The following DCDC2 variants were observed in gnomAD, a reference collection of about 807,000 sequenced individuals.
DCDC2 encodes doublecortin domain containing 2, also known as doublecortin domain-containing protein 2.
Under a neutral mutation model 50.2 loss-of-function variants are expected in DCDC2, and 40 were observed. The observed-to-expected ratio is 0.80, with a 90% CI of 0.62 to 1.04. The LOEUF (loss-of-function observed/expected upper bound fraction) is 1.04, where lower values mean the gene tolerates loss of function less well. Ranked by LOEUF, DCDC2 falls within the 50% of genes least tolerant of loss-of-function variation. DCDC2 has a pLI of 0.00. For missense variants in DCDC2, 570 were observed against 581.9 expected (o/e 0.98, Z 0.21); for synonymous variants, 234 against 210.6 (o/e 1.11, Z -0.96).
intron 4 of DCDC2, among the ~76,000 whole-genome samples, chr6:24,294,346 C>T (rs1045937980): frequency 6.6e-6 from 1 of 151,844 alleles, no homozygotes; most frequent in Non-Finnish European, 1.5e-5. Context: ...CAGAGTGAGA[C>T]CCTGTCTCCA....
intron 7 of DCDC2, among the ~76,000 whole-genome samples, chr6:24,233,698 G>A (rs1025105271): frequency 1.3e-5 from 2 of 152,174 alleles, no homozygotes; most frequent in Non-Finnish European, 2.9e-5. Context: ...CCAAAAAGAA[G>A]TTCAGTTAGA....
chr6:24,282,868 C>T (rs1763508633), intron 6 of DCDC2, among the ~76,000 whole-genome samples: 1 of 152,096 alleles, frequency 6.6e-6, no homozygotes, highest in South Asian at 2.1e-4. Flanking sequence ...CCTATACCAG[C>T]CTCAGTTTCC....
chr6:24,358,709 A>ATATATATTT (rs1554121591), upstream of DCDC2, among the ~76,000 whole-genome samples: 36 of 97,672 alleles, frequency 3.7e-4, 1 homozygote, highest in African/African-American at 1.5e-3. Flanking sequence ...TTTTTTTTAT[A>ATATATATTT]TATATATTTT....
At chr6:24,285,056 A>G (rs1763567528) in intron 6 of DCDC2, among the ~76,000 whole-genome samples, 1 of 151,880 alleles carries the variant, frequency 6.6e-6, no homozygotes, top group Non-Finnish European at 1.5e-5. Context: ...ACATACATGC[A>G]CACACACACA....
chr6:24,301,167 C>A (rs539851637), intron 4 of DCDC2, among the ~76,000 whole-genome samples: 2 of 151,678 alleles, frequency 1.3e-5, no homozygotes, highest in African/African-American at 4.8e-5. Flanking sequence ...GTCAGGAGAT[C>A]GAGCCCATCC....
chr6:24,335,605 T>C (rs577113381), intron 2 of DCDC2, among the ~76,000 whole-genome samples: 66 of 152,250 alleles, frequency 4.3e-4, no homozygotes, highest in Non-Finnish European at 8.2e-4. Context: ...TTGTCTGTTT[T>C]CATACTGCTA....
chr6:24,293,618 A>G (rs900806674), intron 4 of DCDC2, among the ~76,000 whole-genome samples: 4 of 152,216 alleles, frequency 2.6e-5, no homozygotes, highest in African/African-American at 9.6e-5. Flanking sequence ...AGTATTAGAT[A>G]GATCATAAAA....
chr6:24,201,346 A>T (rs373484278), intron 8 of DCDC2, among the ~76,000 whole-genome samples: 6 of 152,342 alleles, frequency 3.9e-5, no homozygotes, highest in African/African-American at 1.4e-4. Flanking sequence ...AGAATTAAGG[A>T]ACTCATGAAA....
At chr6:24,280,259 T>G (rs550402980) in intron 6 of DCDC2, among the ~76,000 whole-genome samples, 115 of 152,346 alleles carry the variant, frequency 7.5e-4, no homozygotes, top group African/African-American at 2.4e-3. Context: ...ATTAACAGTA[T>G]GAAAACTTGT....
chr6:24,302,868 T>C (rs74706608), intron 2 of DCDC2, among the ~76,000 whole-genome samples: 5,386 of 151,824 alleles, frequency 0.035, 281 homozygotes, highest in African/African-American at 0.12. Context: ...CACCTAACCC[T>C]TAAAATCCCA....
chr6:24,241,408 C>T (rs1448594888), intron 7 of DCDC2, among the ~76,000 whole-genome samples: 1 of 152,122 alleles, frequency 6.6e-6, no homozygotes, highest in Non-Finnish European at 1.5e-5. Flanking sequence ...GTCTCTTTTG[C>T]ATGCCACAGT....
Position 24,278,217 on chromosome 6 carries a change from T to C in DCDC2, c.760-6A>G, listed in dbSNP as rs1372198109. On this transcript the variant is annotated splice_polypyrimidine_tract_variant and splice_region_variant and intron_variant, in intron 6 of 9. Coordinates refer to ENST00000378454, the MANE Select transcript of DCDC2 (RefSeq NM_016356.5). ...TTAGAGTGGCGATCATTTCCCTAAA[T>C]GGCAAAGTATTAGACCCTTATTATT... 3 of 1,605,974 alleles carry C rather than the reference T, an allele frequency of 1.9e-6. No individual in the cohort carries two copies. In the African/African-American group the frequency reaches 4.0e-5, roughly 22 times the overall value.
chr6:24,188,442 T>C (rs1761248827), intron 8 of DCDC2, among the ~76,000 whole-genome samples: 1 of 152,188 alleles, frequency 6.6e-6, no homozygotes, highest in Non-Finnish European at 1.5e-5. Context: ...AAGACAGTTC[T>C]ACAAGATTTA....
intron 7 of DCDC2, among the ~76,000 whole-genome samples, chr6:24,219,407 T>A (rs1229998329): frequency 1.4e-4 from 21 of 152,220 alleles, no homozygotes; most frequent in Admixed American, 1.4e-3. Flanking sequence ...AACGGAGATA[T>A]TTTCAAGTTC....
At chr6:24,337,305 T>C (rs1393525720) in intron 2 of DCDC2, among the ~76,000 whole-genome samples, 1 of 152,158 alleles carries the variant, frequency 6.6e-6, no homozygotes, top group Non-Finnish European at 1.5e-5. Flanking sequence ...CATGTAAAAA[T>C]ATTTCTGGTT....
the DCDC2 span, among the ~76,000 whole-genome samples, chr6:24,371,937 C>T: frequency 6.6e-6 from 1 of 152,174 alleles, no homozygotes; most frequent in African/African-American, 2.4e-5. Flanking sequence ...CATCTCACAC[C>T]AGTTAGAATT....
upstream of DCDC2, chr6:24,358,284 G>A (rs576606721): frequency 2.4e-4 from 47 of 194,058 alleles, no homozygotes; most frequent in Non-Finnish European, 4.4e-4. Flanking sequence ...TAAGTTCCTG[G>A]ATGTAGTTGC....
At chr6:24,351,517 G>C (rs1760372097) in intron 2 of DCDC2, among the ~76,000 whole-genome samples, 1 of 152,138 alleles carries the variant, frequency 6.6e-6, no homozygotes, top group Non-Finnish European at 1.5e-5. Context: ...CCTTTAGAAG[G>C]GTTTATGGGT....
intron 2 of DCDC2, among the ~76,000 whole-genome samples, chr6:24,315,113 A>AT (rs1176292183): frequency 6.6e-6 from 1 of 151,446 alleles, no homozygotes; most frequent in East Asian, 1.9e-4. Flanking sequence ...ATACACTTTG[A>AT]TTTCCAAAAA....
Sources: allele counts gnomAD v4.1 joint callset (sites outside exome capture counted in the v4.1 genomes callset), GRCh38; gene constraint gnomAD v4.1.1; transcripts MANE v1.5; gene names NCBI Gene and HGNC (gene_info 2026-07-23, HGNC 2026-07-21).